Variants in SLC12A8 observed in about 807,000 individuals in gnomAD.
SLC12A8 encodes the protein solute carrier family 12 member 8, also known as cation-chloride cotransporter 9.
In SLC12A8, 69 loss-of-function variants were observed where a neutral mutation model predicts 75.6. The observed-to-expected ratio is 0.91, with a 90% CI of 0.75 to 1.11. The LOEUF is 1.11. Among genes scored for constraint, SLC12A8 ranks in the 50% most tolerant of loss-of-function variants. The probability of loss-of-function intolerance (pLI) is 0.00; values close to 1 mark genes in which losing one functional copy is unlikely to be tolerated. For missense variants in SLC12A8, 877 were observed against 896.7 expected (o/e 0.98, Z 0.28); for synonymous variants, 365 against 372.8 (o/e 0.98, Z 0.24).
chr3:125,141,721 G>A (rs1044030270), intron 5 of SLC12A8, among the ~76,000 whole-genome samples: 4 of 152,114 alleles, frequency 2.6e-5, no homozygotes, highest in Non-Finnish European at 5.9e-5. Context: ...CGCGGCGGGG[G>A]CTTCCGGCGG....
At chr3:125,209,656 G>A (rs1348153506) in intron 2 of SLC12A8, among the ~76,000 whole-genome samples, 1 of 152,216 alleles carries the variant, frequency 6.6e-6, no homozygotes, top group Non-Finnish European at 1.5e-5. Context: ...TAAGTTCACA[G>A]CTTTAAGGGA....
intron 8 of SLC12A8, among the ~76,000 whole-genome samples, chr3:125,111,662 C>T (rs180767857): frequency 1.8e-4 from 27 of 152,290 alleles, no homozygotes; most frequent in Middle Eastern, 3.4e-3. Flanking sequence ...TTCCTTGCAT[C>T]AGCAAAGCAC....
chr3:125,084,624 G>T (rs552652539), intron 13 of SLC12A8, among the ~76,000 whole-genome samples: 1 of 152,186 alleles, frequency 6.6e-6, no homozygotes, highest in South Asian at 2.1e-4. Context: ...ATACAGTTTC[G>T]GTTGGAATAA....
In SLC12A8 at chr3:125,083,851, A is replaced by G. The variant is rs1393467907; in HGVS notation, c.*39T>C. 2 of 1,592,056 alleles carry G rather than the reference A, an allele frequency of 1.3e-6. No homozygotes were observed. The highest frequency in any genetic ancestry group is 1.7e-6 in the Non-Finnish European group (2 of 1,169,002). On this transcript the variant is annotated 3_prime_UTR_variant, in exon 14 of 14. Coordinates refer to ENST00000469902, the MANE Select transcript of SLC12A8 (RefSeq NM_024628.6). ...GGTCCTGAGCTTGGGTCCACTGTACATGGGACAGCTCCAAAAGAGGAAGGT... is the reference window on the plus strand; with the variant it reads ...GGTCCTGAGCTTGGGTCCACTGTACGTGGGACAGCTCCAAAAGAGGAAGGT...
intron 6 of SLC12A8, among the ~76,000 whole-genome samples, chr3:125,130,422 T>C (rs1933322768): frequency 6.6e-6 from 1 of 151,740 alleles, no homozygotes; most frequent in Non-Finnish European, 1.5e-5. Context: ...CAAAACTCCA[T>C]CTCTACTAAA....
intron 5 of SLC12A8, among the ~76,000 whole-genome samples, chr3:125,160,093 C>T (rs181136106): frequency 2.0e-5 from 3 of 152,316 alleles, no homozygotes; most frequent in East Asian, 3.9e-4. Context: ...CAGGTGTGCA[C>T]CACCATGTCC....
Position 125,135,715 on chromosome 3 carries a change from C to A in SLC12A8, c.690G>T (p.Gly230=). The change falls in exon 6 of 14, where the codon GGG becomes GGT. Residue 230 remains glycine, a synonymous_variant. Coordinates refer to ENST00000469902, the MANE Select transcript of SLC12A8 (RefSeq NM_024628.6). The part of the protein sequence containing the change: ...QNNTLPDYSP[G]ESFFTVFGVF... ...CCCCAAAGACAGTGAAAAAAGATTC[C>A]CCCGGGCTGTAATCGGGCAGCGTGT... 1.2e-6 allele frequency: 2 copies of A among 1,610,136 alleles called. No homozygotes were observed. Among genetic ancestry groups the A allele is most frequent in the Non-Finnish European group, 1.7e-6 (2 of 1,177,568 alleles).
intron 5 of SLC12A8, among the ~76,000 whole-genome samples, chr3:125,154,390 CT>C (rs1934000684): frequency 6.6e-6 from 1 of 152,196 alleles, no homozygotes. Flanking sequence ...GGCTCCATTG[CT>C]TACCAGCTGG....
intron 2 of SLC12A8, among the ~76,000 whole-genome samples, chr3:125,198,621 GA>G (rs1935053723): frequency 6.6e-6 from 1 of 151,958 alleles, no homozygotes; most frequent in Admixed American, 6.6e-5. Flanking sequence ...GGAGAATAGT[GA>G]AACTCTGTCT....
chr3:125,144,225 C>A (rs527838153), intron 5 of SLC12A8, among the ~76,000 whole-genome samples: 1 of 152,348 alleles, frequency 6.6e-6, no homozygotes, highest in East Asian at 1.9e-4. Flanking sequence ...GCATACCACT[C>A]ATTCCAAGTG....
chr3:125,207,794 G>A (rs1208579986), intron 2 of SLC12A8, among the ~76,000 whole-genome samples: 1 of 152,122 alleles, frequency 6.6e-6, no homozygotes, highest in East Asian at 1.9e-4. Flanking sequence ...CCTCTGCACT[G>A]GCTGTTTCTT....
intron 5 of SLC12A8, among the ~76,000 whole-genome samples, chr3:125,143,270 A>G (rs1218004096): frequency 6.6e-6 from 1 of 152,244 alleles, no homozygotes; most frequent in Non-Finnish European, 1.5e-5. Flanking sequence ...GTGTTCAATA[A>G]AAGTGTTTTG....
rs141714825 is a variant in SLC12A8 at position 125,086,327 on chromosome 3, G to A, written c.1982+1983C>T. Among the ~76,000 whole-genome samples the A allele has an allele frequency of 2.6e-5, 4 of 152,258 alleles. No individual in the cohort carries two copies. The East Asian group carries it at 7.7e-4, about 29-fold the overall frequency. ...AGAGCCTGGTGTTTGTGTTATGAATGGTGTGGACTGATTCTACTCCAACCA... is the reference window on the plus strand; with the variant it reads ...AGAGCCTGGTGTTTGTGTTATGAATAGTGTGGACTGATTCTACTCCAACCA... On this transcript the variant is annotated intron_variant, in intron 13 of 13. Coordinates refer to ENST00000469902, the MANE Select transcript of SLC12A8 (RefSeq NM_024628.6).
chr3:125,113,138 G>C (rs1939227322), intron 8 of SLC12A8, among the ~76,000 whole-genome samples: 1 of 152,140 alleles, frequency 6.6e-6, no homozygotes, highest in African/African-American at 2.4e-5. Context: ...CTGACCTCAG[G>C]AACTGGGTTG....
rs1579490538 is a variant in SLC12A8, at chr3:125,128,262, G to A, written c.736+7407C>T. Reference sequence around the variant, plus strand: ...GTGGCGGGATCTCGGCTCACTGCAAGCTCCGCCTCCCGGGTTCACGCCATT... The same window carrying A: ...GTGGCGGGATCTCGGCTCACTGCAAACTCCGCCTCCCGGGTTCACGCCATT... On this transcript the variant is annotated intron_variant, in intron 6 of 13. Coordinates refer to ENST00000469902, the MANE Select transcript of SLC12A8 (RefSeq NM_024628.6). Among the ~76,000 whole-genome samples, 7 of 126,982 alleles carry A rather than the reference G, an allele frequency of 5.5e-5. No individual in the cohort carries two copies. The South Asian group carries it at 1.9e-3, about 35-fold the overall frequency. The allele number at this position is 126,982 out of a possible 152,430, so 83.3% of individuals were successfully genotyped here. A position where few individuals can be genotyped will look rare whatever the true frequency, so the allele number is the denominator to read the frequency against.
chr3:125,105,290 CTT>C (rs1425512058), intron 10 of SLC12A8, among the ~76,000 whole-genome samples: 2 of 152,126 alleles, frequency 1.3e-5, no homozygotes, highest in Non-Finnish European at 2.9e-5. Context: ...TAAGAAATCT[CTT>C]GTTTCCTGGA....
intron 2 of SLC12A8, among the ~76,000 whole-genome samples, chr3:125,205,283 GGTAA>G (rs1328695147): frequency 2.3e-4 from 35 of 152,160 alleles, no homozygotes; most frequent in Admixed American, 2.3e-3. Context: ...TCTCAAGCAA[GGTAA>G]GTAACAGAAA....
chr3:125,203,873 C>G (rs906937884), intron 2 of SLC12A8, among the ~76,000 whole-genome samples: 3 of 152,106 alleles, frequency 2.0e-5, no homozygotes, highest in Non-Finnish European at 4.4e-5. Flanking sequence ...ACAAGGAACT[C>G]AAACAACTCA....
intron 12 of SLC12A8, among the ~76,000 whole-genome samples, chr3:125,090,184 C>T (rs1938551788): frequency 6.6e-6 from 1 of 152,112 alleles, no homozygotes. Context: ...GCTAAGACAA[C>T]AGGTGTGTGC....
Sources: gnomAD v4.1 joint callset for allele counts (sites outside exome capture counted in the v4.1 genomes callset) on GRCh38, gnomAD v4.1.1 for gene constraint, MANE v1.5 for transcripts, NCBI Gene and HGNC (gene_info 2026-07-23, HGNC 2026-07-21) for gene names.